DAB1: variants seen among roughly 807,000 people sequenced by gnomAD.
The protein encoded by DAB1 is disabled homolog 1.
DAB1 carries 15 observed loss-of-function variants against 64.6 expected under a neutral mutation model. That is an observed-to-expected ratio of 0.23 (90% CI 0.16 to 0.36). The LOEUF (loss-of-function observed/expected upper bound fraction) is 0.36, where lower values mean the gene tolerates loss of function less well. Ranked by LOEUF, DAB1 falls within the 10% of genes least tolerant of loss-of-function variation. DAB1 has a pLI of 1.00. For synonymous variants in DAB1, 235 were observed against 251.9 expected (o/e 0.93, Z 0.64); for missense variants, 596 against 706.7 (o/e 0.84, Z 1.78).
chr1:57,478,316 C>T (rs2805870), intron 7 of DAB1, among the ~76,000 whole-genome samples: 29,473 of 151,990 alleles, frequency 0.19, 3,346 homozygotes, highest in African/African-American at 0.32. Flanking sequence ...GGGAAATGAT[C>T]TTCCACAAAT....
intron 4 of DAB1, among the ~76,000 whole-genome samples, chr1:58,291,236 C>A (rs914052782): frequency 6.6e-6 from 1 of 152,188 alleles, no homozygotes; most frequent in African/African-American, 2.4e-5. Context: ...CTCATAAAAA[C>A]CAATAAATTA....
chr1:58,371,783 C>A (rs1644265971), intron 3 of DAB1, among the ~76,000 whole-genome samples: 1 of 152,180 alleles, frequency 6.6e-6, no homozygotes, highest in African/African-American at 2.4e-5. Flanking sequence ...GGCCAAGGTA[C>A]AGCTCCAGCC....
At chr1:58,342,237 T>C (rs937981316) in intron 4 of DAB1, among the ~76,000 whole-genome samples, 12 of 152,086 alleles carry the variant, frequency 7.9e-5, no homozygotes, top group Non-Finnish European at 1.3e-4. Context: ...AAAGCCATGA[T>C]GATAAGATAT....
At chr1:58,338,965 T>C (rs1348760617) in intron 4 of DAB1, among the ~76,000 whole-genome samples, 1 of 152,182 alleles carries the variant, frequency 6.6e-6, no homozygotes, top group Non-Finnish European at 1.5e-5. Flanking sequence ...GGTAAATCTA[T>C]AGATACGGAA....
chr1:57,149,212 G>A (rs957250760), intron 2 of DAB1, among the ~76,000 whole-genome samples: 1 of 152,006 alleles, frequency 6.6e-6, no homozygotes, highest in Non-Finnish European at 1.5e-5. Flanking sequence ...TCTATTGTGT[G>A]GTTATACCAC....
chr1:57,777,625 A>AT (rs1189588912), intron 6 of DAB1, among the ~76,000 whole-genome samples: 1 of 151,896 alleles, frequency 6.6e-6, no homozygotes, highest in Non-Finnish European at 1.5e-5. Flanking sequence ...GTTTTACTTG[A>AT]TTCTTTTATT....
At chr1:57,155,527 T>G (rs1660131113) in intron 2 of DAB1, among the ~76,000 whole-genome samples, 1 of 152,058 alleles carries the variant, frequency 6.6e-6, no homozygotes, top group African/African-American at 2.4e-5. Context: ...TAGTCTGAGT[T>G]TTTTGTGGTT....
chr1:57,038,758 T>C (rs970391744), intron 9 of DAB1, among the ~76,000 whole-genome samples: 1 of 152,186 alleles, frequency 6.6e-6, no homozygotes, highest in African/African-American at 2.4e-5. Context: ...CAACAAAATA[T>C]TTACATCCAG....
At chr1:57,912,347 G>GA (rs35645037) in intron 5 of DAB1, among the ~76,000 whole-genome samples, 30,512 of 151,898 alleles carry the variant, frequency 0.2, 3,442 homozygotes, top group Admixed American at 0.28. Context: ...CCAACACCTG[G>GA]AAAAAAAGGC....
intron 14 of DAB1, among the ~76,000 whole-genome samples, chr1:57,002,614 C>A (rs2100213778): frequency 6.6e-6 from 1 of 152,310 alleles, no homozygotes; most frequent in East Asian, 1.9e-4. Context: ...CATGTTTTGC[C>A]TGTGTTCAGC....
intron 3 of DAB1, among the ~76,000 whole-genome samples, chr1:58,488,793 CCT>C (rs1645621975): frequency 6.6e-6 from 1 of 152,202 alleles, no homozygotes; most frequent in South Asian, 2.1e-4. Context: ...CACTGTTTCC[CCT>C]GAGCCCCCAA....
At chr1:57,227,558 T>TGTGTGTGA in intron 2 of DAB1, among the ~76,000 whole-genome samples, 1 of 150,646 alleles carries the variant, frequency 6.6e-6, no homozygotes, top group Non-Finnish European at 1.5e-5. Context: ...TGTGTGTGTG[T>TGTGTGTGA]GTGTTTGGTT....
At chr1:58,314,155 A>G (rs531782347) in intron 4 of DAB1, among the ~76,000 whole-genome samples, 25 of 152,188 alleles carry the variant, frequency 1.6e-4, no homozygotes, top group Admixed American at 1.6e-3. Context: ...GGTTGTGTTT[A>G]GGGCAATATC....
At chr1:57,322,162 G>T (rs1358161909) in intron 1 of DAB1, among the ~76,000 whole-genome samples, 3 of 152,018 alleles carry the variant, frequency 2.0e-5, no homozygotes, top group Non-Finnish European at 4.4e-5. Flanking sequence ...TTTTCTCCAG[G>T]CATTCATTTG....
intron 5 of DAB1, among the ~76,000 whole-genome samples, chr1:58,059,144 C>A (rs1648331343): frequency 6.6e-6 from 1 of 152,210 alleles, no homozygotes; most frequent in South Asian, 2.1e-4. Context: ...GCATGGGTTG[C>A]TATTTTAAGA....
intron 2 of DAB1, among the ~76,000 whole-genome samples, chr1:57,249,422 G>T (rs1669150669): frequency 6.6e-6 from 1 of 152,158 alleles, no homozygotes; most frequent in South Asian, 2.1e-4. Flanking sequence ...CCAGGCTGGA[G>T]TGCAGTGGCA....
intron 3 of DAB1, among the ~76,000 whole-genome samples, chr1:58,443,308 TAAC>T (rs781204346): frequency 6.6e-6 from 1 of 152,254 alleles, no homozygotes; most frequent in Non-Finnish European, 1.5e-5. Context: ...CTTCCAATAA[TAAC>T]ATCTCCTAAA....
intron 4 of DAB1, among the ~76,000 whole-genome samples, chr1:58,340,062 G>A (rs190620145): frequency 1.2e-4 from 18 of 152,278 alleles, no homozygotes; most frequent in Admixed American, 8.5e-4. Context: ...TACTAACTCT[G>A]CAGTAAAAGT....
At chr1:58,345,255 C>T (rs1643982528) in intron 3 of DAB1, among the ~76,000 whole-genome samples, 1 of 152,196 alleles carries the variant, frequency 6.6e-6, no homozygotes, top group Admixed American at 6.5e-5. Context: ...CATTTCCCAG[C>T]TGAATCAAAA....
Sources: allele counts gnomAD v4.1 joint callset (sites outside exome capture counted in the v4.1 genomes callset), GRCh38; gene constraint gnomAD v4.1.1; transcripts MANE v1.5; gene names NCBI Gene and HGNC (gene_info 2026-07-23, HGNC 2026-07-21).